DTWD2: variants seen among roughly 807,000 people sequenced by gnomAD.
DTWD2 encodes DTW motif tRNA-uridine aminocarboxypropyltransferase 2, also known as tRNA-uridine aminocarboxypropyltransferase 2.
A neutral mutation model predicts 31.8 loss-of-function variants in DTWD2; 39 were observed. That is an observed-to-expected ratio of 1.22 (90% CI 0.95 to 1.60). The LOEUF (loss-of-function observed/expected upper bound fraction) is 1.60. Ranked by LOEUF, DTWD2 falls within the 40% of genes most tolerant of loss-of-function variation. The pLI is 0.00. For synonymous variants in DTWD2, 180 were observed against 142.8 expected (o/e 1.26, Z -1.86); for missense variants, 515 against 381.5 (o/e 1.35, Z -2.92).
chr5:118,853,186 C>A (rs1676061104), intron 4 of DTWD2, among the ~76,000 whole-genome samples: 1 of 152,168 alleles, frequency 6.6e-6, no homozygotes. Context: ...ATGCAACAAA[C>A]CTGCACATAT....
chr5:118,926,002 G>T (rs190471413), intron 4 of DTWD2, among the ~76,000 whole-genome samples: 18 of 152,260 alleles, frequency 1.2e-4, no homozygotes, highest in Admixed American at 6.5e-4. Flanking sequence ...AGCCGAGGTA[G>T]GGAGAGGATC....
Position 118,840,894 on chromosome 5 carries a change from C to T in DTWD2, c.*23G>A, listed in dbSNP as rs1239693658. 1 of 1,607,380 alleles carries T rather than the reference C, an allele frequency of 6.2e-7. No homozygotes were observed. Among genetic ancestry groups the T allele is most frequent in the African/African-American group, 1.3e-5 (1 of 74,692 alleles). On this transcript the variant is annotated 3_prime_UTR_variant, in exon 6 of 6. Coordinates refer to ENST00000510708, the MANE Select transcript of DTWD2 (RefSeq NM_173666.4). ...GTATTGTTAGATGAAGACAGTTAAG[C>T]TAGCACCAAAAGAATAACTGTACTA...
At chr5:118,884,292 C>T (rs1192364004) in intron 4 of DTWD2, among the ~76,000 whole-genome samples, 1 of 152,202 alleles carries the variant, frequency 6.6e-6, no homozygotes, top group East Asian at 1.9e-4. Flanking sequence ...TCTTCACTCC[C>T]ATTGGCTACT....
intron 4 of DTWD2, among the ~76,000 whole-genome samples, chr5:118,889,092 T>C (rs1333181431): frequency 2.0e-5 from 3 of 152,214 alleles, no homozygotes; most frequent in Non-Finnish European, 4.4e-5. Flanking sequence ...AAGAGATTTT[T>C]AATTTTAATG....
At chr5:118,867,605 C>CA (rs1752406010) in intron 4 of DTWD2, among the ~76,000 whole-genome samples, 2 of 152,154 alleles carry the variant, frequency 1.3e-5, no homozygotes, top group Admixed American at 1.3e-4. Context: ...GGAAGCATCT[C>CA]AAAAAAATAC....
chr5:118,856,927 C>T (rs929979956), intron 4 of DTWD2, among the ~76,000 whole-genome samples: 11 of 151,706 alleles, frequency 7.3e-5, no homozygotes, highest in African/African-American at 1.2e-4. Flanking sequence ...TACCTGCCAC[C>T]ACGCCCAATT....
At chr5:118,925,434 C>T (rs12109156) in intron 4 of DTWD2, among the ~76,000 whole-genome samples, 38,143 of 151,988 alleles carry the variant, frequency 0.25, 8,061 homozygotes, top group African/African-American at 0.58. Context: ...TTCAAAATAG[C>T]GTGGCTAATG....
intron 1 of DTWD2, 21 bp from the exon 2 acceptor site, chr5:118,944,670 T>A (rs1561465677): frequency 1.2e-6 from 2 of 1,604,760 alleles, no homozygotes; most frequent in Admixed American, 3.4e-5. Context: ...AAAAGAAAAA[T>A]AAAACTGGTA....
chr5:118,935,906 T>C (rs2149582395), intron 3 of DTWD2, among the ~76,000 whole-genome samples: 1 of 152,334 alleles, frequency 6.6e-6, no homozygotes, highest in South Asian at 2.1e-4. Context: ...AATTGATAGT[T>C]TGTGTAACAC....
At chr5:118,924,776 G>T (rs750176732) in intron 4 of DTWD2, among the ~76,000 whole-genome samples, 8 of 152,064 alleles carry the variant, frequency 5.3e-5, no homozygotes, top group Non-Finnish European at 7.4e-5. Context: ...GAGACTACTG[G>T]CTTTAGCTCT....
At chr5:118,910,570 C>T (rs1348277962) in intron 4 of DTWD2, among the ~76,000 whole-genome samples, 2 of 152,126 alleles carry the variant, frequency 1.3e-5, no homozygotes. Flanking sequence ...CTTAATGCTC[C>T]GTTCATGGCG....
chr5:118,851,592 C>T (rs1185439292), intron 4 of DTWD2, among the ~76,000 whole-genome samples: 4 of 149,464 alleles, frequency 2.7e-5, no homozygotes, highest in African/African-American at 7.4e-5. Context: ...TTCAGCTGTG[C>T]ACGTATTGTC....
At chr5:118,913,422 T>G (rs1337669716) in intron 4 of DTWD2, among the ~76,000 whole-genome samples, 1 of 127,762 alleles carries the variant, frequency 7.8e-6, no homozygotes, top group Non-Finnish European at 1.6e-5. Flanking sequence ...TATATATAGA[T>G]ATATATATAT....
At chr5:118,933,809 G>A (rs904548753) in intron 3 of DTWD2, among the ~76,000 whole-genome samples, 4 of 151,514 alleles carry the variant, frequency 2.6e-5, no homozygotes, top group Non-Finnish European at 4.4e-5. Context: ...AAACTAGAAA[G>A]ATGAAACAAA....
chr5:118,947,898 G>A (rs530295503), intron 1 of DTWD2, among the ~76,000 whole-genome samples: 24 of 152,198 alleles, frequency 1.6e-4, no homozygotes, highest in African/African-American at 5.8e-4. Flanking sequence ...TACTATTGAG[G>A]AACTTCAGTT....
intron 3 of DTWD2, among the ~76,000 whole-genome samples, chr5:118,935,067 C>CA (rs1754007247): frequency 6.6e-6 from 1 of 151,958 alleles, no homozygotes; most frequent in African/African-American, 2.4e-5. Flanking sequence ...TCAAGTTGAT[C>CA]ACCAGTGGCC....
At chr5:118,937,368 T>C (rs1469074875) in intron 3 of DTWD2, among the ~76,000 whole-genome samples, 2 of 138,104 alleles carry the variant, frequency 1.4e-5, no homozygotes, top group Non-Finnish European at 3.1e-5. Flanking sequence ...AGGCAGCTCT[T>C]ATATGTTATC....
chr5:118,966,392 C>A (rs1198374314), intron 1 of DTWD2, among the ~76,000 whole-genome samples: 1 of 152,146 alleles, frequency 6.6e-6, no homozygotes, highest in Non-Finnish European at 1.5e-5. Context: ...GTGACTTTTT[C>A]TTCTGAGTAT....
chr5:118,923,754 T>G (rs930465259), intron 4 of DTWD2, among the ~76,000 whole-genome samples: 5 of 152,180 alleles, frequency 3.3e-5, no homozygotes, highest in African/African-American at 1.2e-4. Context: ...AAAGTCTTTC[T>G]CTGAGGAGGC....
Sources: gnomAD v4.1 joint callset for allele counts (sites outside exome capture counted in the v4.1 genomes callset) on GRCh38, gnomAD v4.1.1 for gene constraint, MANE v1.5 for transcripts, NCBI Gene and HGNC (gene_info 2026-07-23, HGNC 2026-07-21) for gene names.